The following BABAM2 variants were observed in gnomAD, a reference collection of about 807,000 sequenced individuals.
BABAM2 encodes BRISC and BRCA1-A complex member 2.
In BABAM2, 31 loss-of-function variants were observed where a neutral mutation model predicts 54.7. The ratio of observed to expected loss-of-function variants is 0.57; its 90% confidence interval spans 0.43 to 0.77. The LOEUF (loss-of-function observed/expected upper bound fraction) is 0.77, where lower values mean the gene tolerates loss of function less well. Among genes scored for constraint, BABAM2 ranks in the 30% least tolerant of loss-of-function variants. The pLI is 0.00. For synonymous variants in BABAM2, 167 were observed against 162.9 expected, an observed-to-expected ratio of 1.03 and a Z score of -0.19; for missense variants, 364 against 455.8, an observed-to-expected ratio of 0.80 and a Z score of 1.83.
At chr2:28,330,035 A>G (rs1056304337) in intron 11 of BABAM2, among the ~76,000 whole-genome samples, 4 of 152,266 alleles carry the variant, frequency 2.6e-5, no homozygotes, top group Admixed American at 6.5e-5. Flanking sequence ...AACATATGCA[A>G]ATCAGTAAAT....
At chr2:27,915,352 C>T (rs747448664) in intron 2 of BABAM2, among the ~76,000 whole-genome samples, 7 of 152,176 alleles carry the variant, frequency 4.6e-5, no homozygotes, top group Non-Finnish European at 1.0e-4. Context: ...GTGCCAGGAA[C>T]TGTTCTAAAT....
intron 2 of BABAM2, among the ~76,000 whole-genome samples, chr2:27,922,127 G>A (rs566702647): frequency 1.1e-4 from 16 of 152,290 alleles, no homozygotes; most frequent in African/African-American, 3.8e-4. Flanking sequence ...CAATCCCAGA[G>A]TGCCAGTGAG....
chr2:28,102,036 T>C (rs1667126666), intron 6 of BABAM2, among the ~76,000 whole-genome samples: 1 of 152,208 alleles, frequency 6.6e-6, no homozygotes, highest in Non-Finnish European at 1.5e-5. Context: ...ACAAGATAAC[T>C]CCTATAGTGT....
intron 7 of BABAM2, among the ~76,000 whole-genome samples, chr2:28,168,273 T>G (rs188736397): frequency 9.2e-5 from 14 of 152,258 alleles, no homozygotes; most frequent in Admixed American, 8.5e-4. Context: ...ATTCTTTGGC[T>G]AGTATAAAAG....
At position 27,938,606 on chromosome 2, in the gene BABAM2, G is replaced by A. The variant is rs182674083; in HGVS notation, c.205+8698G>A. ...AGGGTTTCACCATATTGGCCAGGCTGGTCTCGAACTCCTGACCTTGTGATC... is the reference window on the plus strand; with the variant it reads ...AGGGTTTCACCATATTGGCCAGGCTAGTCTCGAACTCCTGACCTTGTGATC... On this transcript the variant is annotated intron_variant, in intron 3 of 11. Transcript: ENST00000379624. Among the ~76,000 whole-genome samples, 1,440 of 151,974 alleles carry A rather than the reference G, an allele frequency of 9.5e-3. 14 individuals are homozygous for A. The highest frequency in any genetic ancestry group is 0.015 in the Admixed American group (229 of 15,268).
chr2:28,171,925 A>G (rs140080733), intron 7 of BABAM2, among the ~76,000 whole-genome samples: 62 of 152,232 alleles, frequency 4.1e-4, no homozygotes, highest in East Asian at 1.4e-3. Context: ...ATTTCTTTGT[A>G]TGTATAATTT....
chr2:28,257,288 AC>A (rs750090195), intron 10 of BABAM2, among the ~76,000 whole-genome samples: 9 of 152,176 alleles, frequency 5.9e-5, no homozygotes, highest in Non-Finnish European at 1.2e-4. Flanking sequence ...ATCTAGCCCC[AC>A]CATCAAGACA....
intron 3 of BABAM2, among the ~76,000 whole-genome samples, chr2:27,936,481 A>G (rs1034755851): frequency 2.0e-5 from 3 of 152,208 alleles, no homozygotes; most frequent in Non-Finnish European, 4.4e-5. Flanking sequence ...TCATGCTGCT[A>G]TAAAGACACA....
Position 27,962,745 on chromosome 2 carries a change from A to G in BABAM2, c.206-25248A>G, listed in dbSNP as rs1010946469. Among the ~76,000 whole-genome samples, 5 of 152,318 alleles carry G rather than the reference A, an allele frequency of 3.3e-5. No individual in the cohort carries two copies. In the East Asian group the frequency reaches 7.7e-4, roughly 24 times the overall value. ...ACATGGGTTTGTCAGAATTTATGTCATCTTAATAATTAACTGAACTGAAAG... is the reference window on the plus strand; with the variant it reads ...ACATGGGTTTGTCAGAATTTATGTCGTCTTAATAATTAACTGAACTGAAAG... On this transcript the variant is annotated intron_variant, in intron 3 of 11. Transcript: ENST00000379624.
rs74449013 is a variant in BABAM2 at position 28,165,076 on chromosome 2, G to A, written c.680+35696G>A. On this transcript the variant is annotated intron_variant, in intron 7 of 11. Coordinates refer to ENST00000379624, the MANE Select transcript of BABAM2 (RefSeq NM_199191.3). Reference sequence around the variant, plus strand: ...CCTACTGTGTCCCAGGTACGGTTCTGGGTGCAGAGGAATCAGTGATAAGCA... The same window carrying A: ...CCTACTGTGTCCCAGGTACGGTTCTAGGTGCAGAGGAATCAGTGATAAGCA... Among the ~76,000 whole-genome samples the A allele has an allele frequency of 2.6e-3, 392 of 152,278 alleles. 8 individuals carry two copies. The East Asian group carries it at 0.046, about 18-fold the overall frequency.
chr2:28,125,153 C>T (rs2148758482), intron 6 of BABAM2, among the ~76,000 whole-genome samples: 1 of 152,156 alleles, frequency 6.6e-6, no homozygotes, highest in Admixed American at 6.5e-5. Flanking sequence ...ATGGAGATAC[C>T]ATTTTCCAGA....
At chr2:28,016,042 G>T (rs1674785441) in intron 4 of BABAM2, 3 of 679,704 alleles carry the variant, frequency 4.4e-6, no homozygotes, top group Middle Eastern at 5.0e-4. Context: ...GTCTGATTCA[G>T]TTTCTGACAT....
chr2:27,897,962 C>T (rs1269408455), intron 2 of BABAM2, among the ~76,000 whole-genome samples: 2 of 152,160 alleles, frequency 1.3e-5, no homozygotes, highest in Non-Finnish European at 2.9e-5. Flanking sequence ...GAGTGATGTA[C>T]TTCCTTTACT....
chr2:28,269,385 C>T (rs1024373958), intron 10 of BABAM2, among the ~76,000 whole-genome samples: 1 of 152,192 alleles, frequency 6.6e-6, no homozygotes, highest in Non-Finnish European at 1.5e-5. Context: ...GGATACATAC[C>T]TGCATTTCTA....
At chr2:28,028,422 C>G (rs1051288117) in intron 5 of BABAM2, among the ~76,000 whole-genome samples, 2 of 151,534 alleles carry the variant, frequency 1.3e-5, no homozygotes, top group Admixed American at 6.6e-5. Flanking sequence ...GCCACCCACA[C>G]GCAGAATTAC....
intron 5 of BABAM2, among the ~76,000 whole-genome samples, chr2:28,042,677 T>C (rs1158518437): frequency 7.2e-5 from 11 of 152,138 alleles, no homozygotes; most frequent in Admixed American, 6.6e-4. Flanking sequence ...ACCTCAAATA[T>C]AGATTAACTT....
chr2:27,927,838 G>GTTTTTTTTTTTT (rs376186465), intron 2 of BABAM2, among the ~76,000 whole-genome samples: 7 of 135,768 alleles, frequency 5.2e-5, no homozygotes, highest in Admixed American at 7.6e-5. Context: ...TAAAGTTTCT[G>GTTTTTTTTTTTT]TTTTTTTTTT....
At chr2:28,021,150 C>G (rs1675228850) in intron 4 of BABAM2, among the ~76,000 whole-genome samples, 1 of 152,100 alleles carries the variant, frequency 6.6e-6, no homozygotes, top group Non-Finnish European at 1.5e-5. Context: ...GTGGGAAATG[C>G]TGGGTGAGGG....
intron 11 of BABAM2, among the ~76,000 whole-genome samples, chr2:28,321,126 G>T (rs1324462033): frequency 6.6e-6 from 1 of 152,090 alleles, no homozygotes; most frequent in Non-Finnish European, 1.5e-5. Flanking sequence ...GGTCCTCAAT[G>T]TGTGTGTGTC....
Sources: allele counts gnomAD v4.1 joint callset (sites outside exome capture counted in the v4.1 genomes callset), GRCh38; gene constraint gnomAD v4.1.1; transcripts MANE v1.5; gene names NCBI Gene and HGNC (gene_info 2026-07-23, HGNC 2026-07-21).